Variants in FHIT observed in about 807,000 individuals in gnomAD.
The protein encoded by FHIT is bis(5'-adenosyl)-triphosphatase.
In FHIT, 19 loss-of-function variants were observed where a neutral mutation model predicts 17.9. That is an observed-to-expected ratio of 1.06 (90% CI 0.74 to 1.56). The LOEUF is 1.56. Ranked by LOEUF, FHIT falls within the 40% of genes most tolerant of loss-of-function variation. The pLI is 0.00. For missense variants in FHIT, 248 were observed against 189.2 expected (o/e 1.31, Z -1.82); for synonymous variants, 81 against 69.7 (o/e 1.16, Z -0.81).
intron 8 of FHIT, among the ~76,000 whole-genome samples, chr3:59,785,232 C>T (rs112267579): frequency 1.4e-4 from 22 of 152,004 alleles, no homozygotes; most frequent in African/African-American, 4.3e-4. Context: ...GACACATATC[C>T]GAACCATATC....
At chr3:60,714,939 A>G (rs1423625702) in intron 4 of FHIT, among the ~76,000 whole-genome samples, 2 of 152,288 alleles carry the variant, frequency 1.3e-5, no homozygotes, top group Middle Eastern at 3.4e-3. Flanking sequence ...AACTACTTTA[A>G]AGTTCATATG....
intron 5 of FHIT, among the ~76,000 whole-genome samples, chr3:60,346,787 C>T (rs1710803206): frequency 6.6e-6 from 1 of 152,096 alleles, no homozygotes; most frequent in Non-Finnish European, 1.5e-5. Flanking sequence ...TTTATTAAGG[C>T]AGAAAAATTC....
At chr3:60,807,048 GTCAA>G (rs1240251397) in intron 4 of FHIT, among the ~76,000 whole-genome samples, 3 of 152,194 alleles carry the variant, frequency 2.0e-5, no homozygotes, top group African/African-American at 7.2e-5. Flanking sequence ...CCATTCTCCA[GTCAA>G]TCATTGTTCT....
chr3:60,324,573 G>GGAAAAAAAAAAAAAAAAAAAAAAAAAAA (rs757433390), intron 5 of FHIT, among the ~76,000 whole-genome samples: 1 of 128,858 alleles, frequency 7.8e-6, no homozygotes, highest in Admixed American at 8.2e-5. Context: ...GACTCCATCA[G>GGAAAAAAAAAAAAAAAAAAAAAAAAAAA]AAAAAAAAAA....
intron 3 of FHIT, among the ~76,000 whole-genome samples, chr3:60,928,941 A>T (rs574778754): frequency 3.9e-5 from 6 of 152,358 alleles, no homozygotes; most frequent in African/African-American, 1.4e-4. Context: ...AATATCCCTG[A>T]TGAACATCGA....
chr3:61,028,204 A>G (rs2032832836), intron 3 of FHIT, among the ~76,000 whole-genome samples: 1 of 152,334 alleles, frequency 6.6e-6, no homozygotes, highest in South Asian at 2.1e-4. Context: ...CACCATTATT[A>G]CAGAAAAATT....
chr3:60,483,621 T>C (rs2033712760), intron 5 of FHIT, among the ~76,000 whole-genome samples: 1 of 152,140 alleles, frequency 6.6e-6, no homozygotes, highest in South Asian at 2.1e-4. Context: ...TTTGATAATA[T>C]TCAACATCCC....
At chr3:59,830,871 T>C (rs879296716) in intron 8 of FHIT, among the ~76,000 whole-genome samples, 10 of 152,192 alleles carry the variant, frequency 6.6e-5, no homozygotes, top group South Asian at 4.1e-4. Flanking sequence ...GTGATTTATA[T>C]AGAATGTGGA....
At chr3:60,151,381 C>T (rs1217901057) in intron 5 of FHIT, among the ~76,000 whole-genome samples, 3 of 152,166 alleles carry the variant, frequency 2.0e-5, no homozygotes, top group African/African-American at 7.2e-5. Flanking sequence ...CAAGTTGAAA[C>T]CACCATCACC....
At chr3:60,311,134 T>C (rs966027356) in intron 5 of FHIT, among the ~76,000 whole-genome samples, 2 of 152,152 alleles carry the variant, frequency 1.3e-5, no homozygotes, top group African/African-American at 4.8e-5. Context: ...AAATCCAGTA[T>C]AGGATCTTAT....
At chr3:60,826,112 C>G (rs73109699) in intron 3 of FHIT, among the ~76,000 whole-genome samples, 7,343 of 143,478 alleles carry the variant, frequency 0.051, 226 homozygotes, top group South Asian at 0.12. Flanking sequence ...TTGTTTTCTG[C>G]GAGTAAAGAA....
chr3:60,324,241 A>G (rs1569349), intron 5 of FHIT, among the ~76,000 whole-genome samples: 98,583 of 151,790 alleles, frequency 0.65, 32,824 homozygotes, highest in African/African-American at 0.75. Context: ...CCCTGGTCCT[A>G]TAACCCCAGA....
chr3:60,252,891 G>C (rs998793579), intron 5 of FHIT, among the ~76,000 whole-genome samples: 1 of 151,912 alleles, frequency 6.6e-6, no homozygotes, highest in Non-Finnish European at 1.5e-5. Flanking sequence ...CCAGCTACTC[G>C]GGAGGCTGAG....
rs1401432971 is a variant in FHIT, at chr3:60,861,223, A to C, written c.-110-39212T>G. Reference sequence around the variant, plus strand: ...ATATGATATATATGATATATATGATATATATGATATATCATATCATATATG... The same window carrying C: ...ATATGATATATATGATATATATGATCTATATGATATATCATATCATATATG... On this transcript the variant is annotated intron_variant, in intron 3 of 9. Coordinates refer to ENST00000492590, the MANE Select transcript of FHIT (RefSeq NM_002012.4). 2.0e-4 allele frequency among the ~76,000 whole-genome samples: 18 copies of C among 92,226 alleles called. 2 individuals are homozygous for C. In the East Asian group the frequency reaches 4.1e-3, roughly 21 times the overall value. The allele number at this position is 92,226 out of a possible 152,430, so 60.5% of individuals were successfully genotyped here.
chr3:60,534,386 T>C (rs568725349), intron 5 of FHIT, among the ~76,000 whole-genome samples: 2 of 125,878 alleles, frequency 1.6e-5, no homozygotes, highest in African/African-American at 6.1e-5. Context: ...TGAGCCGAGA[T>C]TGCGCCACTG....
chr3:60,859,260 C>T (rs556673392), intron 3 of FHIT, among the ~76,000 whole-genome samples: 3 of 152,264 alleles, frequency 2.0e-5, no homozygotes, highest in Admixed American at 6.5e-5. Flanking sequence ...TAAACTTAGG[C>T]AAGGTATTCA....
chr3:60,321,622 A>C (rs1051522733), intron 5 of FHIT, among the ~76,000 whole-genome samples: 3 of 152,200 alleles, frequency 2.0e-5, no homozygotes, highest in African/African-American at 2.4e-5. Flanking sequence ...GAACTGCTGA[A>C]ATCTGAGGAT....
chr3:60,934,710 C>G (rs1458862297), intron 3 of FHIT, among the ~76,000 whole-genome samples: 2 of 152,086 alleles, frequency 1.3e-5, no homozygotes, highest in Non-Finnish European at 2.9e-5. Context: ...TGGGTTGAAC[C>G]CAGACTGTCT....
intron 3 of FHIT, among the ~76,000 whole-genome samples, chr3:60,871,182 T>C (rs1246765884): frequency 6.6e-6 from 1 of 152,138 alleles, no homozygotes; most frequent in African/African-American, 2.4e-5. Flanking sequence ...ATCTTCCTTT[T>C]TCTCGTTATA....
Sources: gnomAD v4.1 joint callset for allele counts (sites outside exome capture counted in the v4.1 genomes callset) on GRCh38, gnomAD v4.1.1 for gene constraint, MANE v1.5 for transcripts, NCBI Gene and HGNC (gene_info 2026-07-23, HGNC 2026-07-21) for gene names.